Variants in AFAP1 observed in about 807,000 individuals in gnomAD.
AFAP1 encodes the protein actin filament associated protein 1, also known as actin filament-associated protein 1.
AFAP1 carries 75 observed loss-of-function variants against 93.9 expected under a neutral mutation model. The ratio of observed to expected loss-of-function variants is 0.80; its 90% confidence interval spans 0.66 to 0.97. AFAP1 has a LOEUF of 0.97. AFAP1 is among the 50% of genes least tolerant of loss of function. AFAP1 has a pLI of 0.00. For missense variants in AFAP1, 1,201 were observed against 1,050.8 expected, an observed-to-expected ratio of 1.14 and a Z score of -1.98; for synonymous variants, 517 against 430.7, an observed-to-expected ratio of 1.20 and a Z score of -2.48.
chr4:7,788,482 A>T (rs1162398005), intron 11 of AFAP1: 1 of 152,270 alleles, frequency 6.6e-6, no homozygotes, highest in African/African-American at 2.4e-5. Context: ...GCCTGGACAC[A>T]TTCTTCAATT....
chr4:7,776,603 T>C (rs1716153074), intron 14 of AFAP1: 1 of 152,166 alleles, frequency 6.6e-6, no homozygotes, highest in Admixed American at 6.5e-5. Flanking sequence ...TCTTGCAACG[T>C]AAGTTATCAT....
chr4:7,791,636 G>A (rs1446653995), intron 11 of AFAP1, among the ~76,000 whole-genome samples: 9 of 151,664 alleles, frequency 5.9e-5, no homozygotes, highest in Non-Finnish European at 1.0e-4. Context: ...TTGAACCCAG[G>A]AGTCCAGGAG....
rs551875460 is a variant in AFAP1, at chr4:7,823,747, A to G, written c.727-4576T>C. On this transcript the variant is annotated intron_variant, in intron 6 of 17. Coordinates refer to ENST00000420658, the MANE Select transcript of AFAP1 (RefSeq NM_001134647.2). ...CAGCCACGTTTGCTCTCTAATCATT[A>G]ACTTCTCTCCCAGCTAGAACTCACA... 1.1e-4 allele frequency among the ~76,000 whole-genome samples: 16 copies of G among 152,302 alleles called. No homozygotes were observed. In the South Asian group the frequency reaches 3.3e-3, roughly 32 times the overall value.
At chr4:7,788,893 C>G (rs1717570823) in intron 11 of AFAP1, 1 of 152,404 alleles carries the variant, frequency 6.6e-6, no homozygotes, top group Non-Finnish European at 1.5e-5. Flanking sequence ...AGCATATGCC[C>G]TGCACTCACC....
chr4:7,888,796 G>GTT (rs1288218679), intron 1 of AFAP1, among the ~76,000 whole-genome samples: 28 of 151,772 alleles, frequency 1.8e-4, no homozygotes, highest in Non-Finnish European at 3.2e-4. Flanking sequence ...TTTTTTTGTT[G>GTT]TTGTTGTTTT....
chr4:7,909,774 G>A (rs568796448), intron 1 of AFAP1, among the ~76,000 whole-genome samples: 20 of 152,258 alleles, frequency 1.3e-4, no homozygotes, highest in Non-Finnish European at 2.6e-4. Flanking sequence ...CAGAACTATA[G>A]CTGCCCAGGC....
chr4:7,823,214 T>TCC (rs747273528), intron 6 of AFAP1, among the ~76,000 whole-genome samples: 1 of 151,910 alleles, frequency 6.6e-6, no homozygotes, highest in Non-Finnish European at 1.5e-5. Context: ...TTGTCACTGT[T>TCC]CCCAATGTCT....
At chr4:7,891,856 G>A (rs1718493162) in intron 1 of AFAP1, among the ~76,000 whole-genome samples, 1 of 150,280 alleles carries the variant, frequency 6.7e-6, no homozygotes, top group African/African-American at 2.4e-5. Flanking sequence ...CACAAGACCA[G>A]CGTGGCCAAC....
intron 6 of AFAP1, among the ~76,000 whole-genome samples, chr4:7,834,128 C>CACACACACACACACACATATAT (rs756961714): frequency 8.4e-6 from 1 of 119,426 alleles, no homozygotes; most frequent in African/African-American, 3.9e-5. Flanking sequence ...CACACACACA[C>CACACACACACACACACATATAT]ATATATACAA....
chr4:7,847,023 T>C (rs949133207), intron 4 of AFAP1, among the ~76,000 whole-genome samples: 3 of 152,228 alleles, frequency 2.0e-5, no homozygotes, highest in Admixed American at 6.5e-5. Context: ...ATTAAGTTCA[T>C]TGTCTTGCCT....
At chr4:7,796,790 T>C (rs1034610188) in intron 10 of AFAP1, among the ~76,000 whole-genome samples, 1 of 146,350 alleles carries the variant, frequency 6.8e-6, no homozygotes, top group African/African-American at 2.5e-5. Context: ...TTGGGCACGG[T>C]GGCTCATGCC....
At chr4:7,843,432 T>C (rs1713302185) in intron 4 of AFAP1, 82 bp from the exon 5 acceptor site, 1 of 1,275,348 alleles carries the variant, frequency 7.8e-7, no homozygotes, top group Admixed American at 2.7e-5. Context: ...CGTCCTCTTA[T>C]TTTTAATCAC....
chr4:7,781,544 A>G lies in AFAP1; in HGVS notation c.1614T>C (p.Asp538=), dbSNP rs1716773454. ...CAAAGATGTGCGGAGGCGGCAAGTT[A>G]TCGTACAGGCCTGCGTTATCATAAA... ...EVLYDNAGLY[D]NLPPPHIFAR... is the part of the protein sequence containing the mutation. Residue 538 remains aspartate (D), a synonymous_variant, in exon 13 of 18, where the codon GAT becomes GAC. Transcript: ENST00000420658. The G allele has an allele frequency of 1.9e-6, 3 of 1,551,978 alleles. No homozygotes were observed. The highest frequency in any genetic ancestry group is 2.6e-6 in the Non-Finnish European group (3 of 1,147,096).
intron 3 of AFAP1, among the ~76,000 whole-genome samples, chr4:7,857,450 C>T (rs1715194205): frequency 6.6e-6 from 1 of 152,194 alleles, no homozygotes; most frequent in Non-Finnish European, 1.5e-5. Flanking sequence ...CCTCCCGCCC[C>T]CCGTCCTTGT....
chr4:7,878,781 C>A (rs1028900483), intron 1 of AFAP1, among the ~76,000 whole-genome samples: 1 of 152,172 alleles, frequency 6.6e-6, no homozygotes, highest in African/African-American at 2.4e-5. Context: ...AGAAAGGTTA[C>A]GTTTTTGCCT....
chr4:7,882,810 G>A (rs930410219), intron 1 of AFAP1, among the ~76,000 whole-genome samples: 3 of 152,054 alleles, frequency 2.0e-5, no homozygotes, highest in Non-Finnish European at 4.4e-5. Context: ...AGTGAGCCGA[G>A]ATAGAGCCAC....
At chr4:7,825,495 T>C (rs1358585796) in intron 6 of AFAP1, among the ~76,000 whole-genome samples, 2 of 152,194 alleles carry the variant, frequency 1.3e-5, no homozygotes, top group Non-Finnish European at 2.9e-5. Context: ...AAATAAACCA[T>C]TAGTCAAAGA....
At chr4:7,890,091 G>A (rs544429619) in intron 1 of AFAP1, among the ~76,000 whole-genome samples, 143 of 150,892 alleles carry the variant, frequency 9.5e-4, no homozygotes, top group African/African-American at 3.3e-3. Flanking sequence ...GGCCAAACGA[G>A]GTGGAGAAAA....
chr4:7,817,903 G>A (rs1720624991), intron 7 of AFAP1, among the ~76,000 whole-genome samples: 1 of 152,030 alleles, frequency 6.6e-6, no homozygotes, highest in South Asian at 2.1e-4. Flanking sequence ...CTGTTGTAAT[G>A]AGTGACTTTT....
Sources: gnomAD v4.1 joint callset for allele counts (sites outside exome capture counted in the v4.1 genomes callset) on GRCh38, gnomAD v4.1.1 for gene constraint, MANE v1.5 for transcripts, NCBI Gene and HGNC (gene_info 2026-07-23, HGNC 2026-07-21) for gene names.